The following TMEM44 variants were observed in gnomAD, a reference collection of about 807,000 sequenced individuals.
TMEM44 encodes the protein transmembrane protein 44.
Under a neutral mutation model 47.8 loss-of-function variants are expected in TMEM44, and 43 were observed. That is an observed-to-expected ratio of 0.90 (90% confidence interval 0.70 to 1.16). The LOEUF (loss-of-function observed/expected upper bound fraction) is 1.16. TMEM44 is among the 50% of genes most tolerant of loss of function. TMEM44 has a pLI of 0.00. For synonymous variants in TMEM44, 277 were observed against 238.8 expected (o/e 1.16, Z -1.48); for missense variants, 568 against 555.2 (o/e 1.02, Z -0.23).
chr3:194,607,580 T>C (rs191382081), intron 8 of TMEM44, among the ~76,000 whole-genome samples: 1 of 152,190 alleles, frequency 6.6e-6, no homozygotes, highest in Non-Finnish European at 1.5e-5. Context: ...GTTCTATCAC[T>C]GACAAACTGT....
chr3:194,592,344 AC>A (rs1188775414), intron 9 of TMEM44, among the ~76,000 whole-genome samples: 1 of 152,226 alleles, frequency 6.6e-6, no homozygotes, highest in Non-Finnish European at 1.5e-5. Flanking sequence ...TTGTCACAAA[AC>A]ATGCCTGTCA....
chr3:194,613,842 G>A (rs1391854073), intron 7 of TMEM44, among the ~76,000 whole-genome samples: 2 of 151,460 alleles, frequency 1.3e-5, no homozygotes, highest in African/African-American at 4.8e-5. Context: ...AACAGAATAG[G>A]CCGGGCCCGG....
rs1353487631 is a variant in TMEM44 at position 194,597,310 on chromosome 3, C to T, written c.1176+6977G>A. On this transcript the variant is annotated intron_variant, in intron 9 of 9. Coordinates refer to ENST00000347147, the MANE Select transcript of TMEM44 (RefSeq NM_001011655.3). ...CTTTTGTCACAAAGGTGGACTGAAC[C>T]TTTTCTTGAATCCCAGGGGCTAAAG... 3 of 152,116 alleles carry T rather than the reference C, an allele frequency of 2.0e-5. No homozygotes were observed. The East Asian group carries it at 5.8e-4, about 29-fold the overall frequency. 9.4% of individuals were successfully genotyped at this position (152,116 alleles called of 1,614,324 possible).
At chr3:194,589,831 T>C (rs1383374212) in intron 9 of TMEM44, 1 of 152,094 alleles carries the variant, frequency 6.6e-6, no homozygotes, top group Non-Finnish European at 1.5e-5. Context: ...TGTCACTAAT[T>C]TGCCTTCGTT....
chr3:194,592,685 G>A (rs1185653671), intron 9 of TMEM44, among the ~76,000 whole-genome samples: 1 of 151,474 alleles, frequency 6.6e-6, no homozygotes, highest in African/African-American at 2.4e-5. Flanking sequence ...GTGCAATCTC[G>A]GCTCACTGCA....
Position 194,628,380 on chromosome 3 carries a change from T to C in TMEM44, c.264+3A>G. ...GCCACTGTCAGCTGGAGGCCCAACA[T>C]ACCTGGATTGTGAGCTGTCTGGCCA... On this transcript the variant is annotated splice_donor_region_variant and intron_variant, in intron 2 of 9. Transcript: ENST00000347147. 2.5e-6 allele frequency: 4 copies of C among 1,609,778 alleles called. No homozygotes were observed. The South Asian group carries it at 3.3e-5, about 13-fold the overall frequency.
At chr3:194,630,784 T>C (rs1442011646) in intron 1 of TMEM44, among the ~76,000 whole-genome samples, 7 of 124,052 alleles carry the variant, frequency 5.6e-5, no homozygotes, top group South Asian at 2.7e-4. Flanking sequence ...CTGAAATACG[T>C]TGTCGCACGT....
intron 7 of TMEM44, 152 bp downstream of exon 7, chr3:194,615,417 C>T: frequency 1.8e-6 from 2 of 1,116,490 alleles, no homozygotes; most frequent in South Asian, 3.0e-5. Context: ...CCACTATTCC[C>T]TCAGCGAGAC....
intron 3 of TMEM44, 49 bp downstream of exon 3, chr3:194,625,848 G>T (rs1413814388): frequency 6.6e-7 from 1 of 1,507,264 alleles, no homozygotes; most frequent in South Asian, 1.1e-5. Flanking sequence ...TCGGCGTGCT[G>T]ATGAATGAAT....
intron 9 of TMEM44, among the ~76,000 whole-genome samples, chr3:194,599,905 A>T (rs1577163662): frequency 6.6e-6 from 1 of 151,154 alleles, no homozygotes; most frequent in African/African-American, 2.4e-5. Flanking sequence ...GATTACAGGC[A>T]TGCGCCACCA....
chr3:194,604,456 T>G lies in TMEM44; in HGVS notation c.1018-11A>C, dbSNP rs1049353533. 2.0e-6 allele frequency: 3 copies of G among 1,494,982 alleles called. No individual in the cohort carries two copies. The highest frequency in any genetic ancestry group is 4.6e-5 in the Admixed American group (2 of 43,528). The allele number at this position is 1,494,982 out of a possible 1,614,324, so 92.6% of individuals were successfully genotyped here. On this transcript the variant is annotated splice_polypyrimidine_tract_variant and intron_variant, in intron 8 of 9. Coordinates refer to ENST00000347147, the MANE Select transcript of TMEM44 (RefSeq NM_001011655.3). ...GGCACTGCAGCCTGCCTGCAAGGTGTGTGAGAAAGGGCAGGCAAGGACACG... is the reference window on the plus strand; with the variant it reads ...GGCACTGCAGCCTGCCTGCAAGGTGGGTGAGAAAGGGCAGGCAAGGACACG...
chr3:194,624,148 G>GT (rs1331440579), intron 3 of TMEM44, among the ~76,000 whole-genome samples: 1 of 152,204 alleles, frequency 6.6e-6, no homozygotes, highest in Non-Finnish European at 1.5e-5. Flanking sequence ...GCAATGAGCA[G>GT]TGTCTTTGTC....
At chr3:194,628,133 G>A (rs1402640915) in intron 2 of TMEM44, among the ~76,000 whole-genome samples, 1 of 152,202 alleles carries the variant, frequency 6.6e-6, no homozygotes, top group Non-Finnish European at 1.5e-5. Context: ...TACAGTGTGA[G>A]CCACTGCTCC....
chr3:194,592,036 G>A (rs933236923), intron 9 of TMEM44, among the ~76,000 whole-genome samples: 14 of 152,036 alleles, frequency 9.2e-5, no homozygotes, highest in Middle Eastern at 3.2e-3. Flanking sequence ...GGCTAACAAG[G>A]TGAAACCCCG....
chr3:194,596,062 A>C (rs1713370633), intron 9 of TMEM44, among the ~76,000 whole-genome samples: 1 of 152,126 alleles, frequency 6.6e-6, no homozygotes, highest in Non-Finnish European at 1.5e-5. Flanking sequence ...GAGAAGAGAA[A>C]GCTGGCTGGG....
intron 9 of TMEM44, among the ~76,000 whole-genome samples, chr3:194,594,079 T>G (rs988592810): frequency 6.6e-6 from 1 of 151,788 alleles, no homozygotes; most frequent in African/African-American, 2.4e-5. Context: ...CCCAAAATGC[T>G]GGGATTACAG....
At chr3:194,588,679 A>G in intron 9 of TMEM44, 40 bp from the exon 10 acceptor site, 1 of 1,573,328 alleles carries the variant, frequency 6.4e-7, no homozygotes, top group Non-Finnish European at 8.7e-7. Flanking sequence ...GGTGGAACGG[A>G]TAGATGCTTC....
intron 1 of TMEM44, among the ~76,000 whole-genome samples, chr3:194,629,131 T>A (rs1577231556): frequency 6.8e-6 from 1 of 148,070 alleles, no homozygotes; most frequent in South Asian, 2.1e-4. Context: ...ACCATTGCAC[T>A]CCAGCCTGGG....
intron 9 of TMEM44, among the ~76,000 whole-genome samples, chr3:194,599,340 T>C (rs9871748): frequency 0.44 from 67,378 of 151,736 alleles, 16,059 homozygotes; most frequent in East Asian, 0.77. Context: ...GCATGAGTGA[T>C]CCAACAGCCA....
Sources: gnomAD v4.1 joint callset for allele counts (sites outside exome capture counted in the v4.1 genomes callset) on GRCh38, gnomAD v4.1.1 for gene constraint, MANE v1.5 for transcripts, NCBI Gene and HGNC (gene_info 2026-07-23, HGNC 2026-07-21) for gene names.